SGPP2: variants seen among roughly 807,000 people sequenced by gnomAD.
SGPP2 encodes sphingosine-1-phosphate phosphatase 2.
In SGPP2, 30 loss-of-function variants were observed where a neutral mutation model predicts 33.9. That is an observed-to-expected ratio of 0.89 (90% confidence interval 0.66 to 1.20). The LOEUF (loss-of-function observed/expected upper bound fraction) is 1.20, where lower values mean the gene tolerates loss of function less well. SGPP2 is among the 50% of genes most tolerant of loss of function. The probability of loss-of-function intolerance (pLI) is 0.00; values close to 1 mark genes in which losing one functional copy is unlikely to be tolerated. For missense variants in SGPP2, 458 were observed against 532.1 expected (o/e 0.86, Z 1.37); for synonymous variants, 233 against 225.0 (o/e 1.04, Z -0.32).
intron 1 of SGPP2, among the ~76,000 whole-genome samples, chr2:222,459,142 C>CTTTCTTTCTT (rs1414316448): frequency 9.5e-5 from 9 of 94,462 alleles, no homozygotes; most frequent in Admixed American, 3.7e-4. Context: ...TTCTTTCTTT[C>CTTTCTTTCTT]TTTTTTTTTT....
At chr2:222,448,982 A>C (rs1204896391) in intron 1 of SGPP2, among the ~76,000 whole-genome samples, 1 of 152,210 alleles carries the variant, frequency 6.6e-6, no homozygotes, top group Non-Finnish European at 1.5e-5. Flanking sequence ...TTTAAGCTGC[A>C]TGAAGGATTT....
chr2:222,511,937 C>T (rs1025975571), intron 2 of SGPP2, among the ~76,000 whole-genome samples: 1 of 152,126 alleles, frequency 6.6e-6, no homozygotes, highest in African/African-American at 2.4e-5. Context: ...CTTGGCCTCC[C>T]AAAGTGCTGG....
At chr2:222,540,756 G>A (rs1006265338) in intron 4 of SGPP2, among the ~76,000 whole-genome samples, 1 of 151,566 alleles carries the variant, frequency 6.6e-6, no homozygotes, top group South Asian at 2.1e-4. Flanking sequence ...GGGAGCCCAG[G>A]CCAGATCATA....
chr2:222,428,910 G>C (rs1391214778), intron 1 of SGPP2, among the ~76,000 whole-genome samples: 1 of 145,472 alleles, frequency 6.9e-6, no homozygotes, highest in Non-Finnish European at 1.5e-5. Flanking sequence ...TCCTGCCTCA[G>C]CCTCCCAAGT....
intron 4 of SGPP2, among the ~76,000 whole-genome samples, chr2:222,546,257 T>C (rs1053623593): frequency 6.6e-6 from 1 of 152,220 alleles, no homozygotes; most frequent in Non-Finnish European, 1.5e-5. Context: ...TTCCACACCA[T>C]AATCCTGAGC....
Position 222,424,740 on chromosome 2 carries a change from C to T in SGPP2, c.138C>T (p.Pro46=). The change falls in exon 1 of 5, where the codon CCC becomes CCT. Residue 46 remains proline, a synonymous_variant. Transcript: ENST00000321276. The stretch of plus-strand genomic sequence containing the variant: ...CCACGGAGCGCGCGGCGCGGGTCCC[C>T]GGGGTCGAGCATCTCCCCGCAGCCA... The part of the protein sequence containing the change: ...ADPTERAARV[P]GVEHLPAANG... The T allele has an allele frequency of 7.0e-7, 1 of 1,424,136 alleles. No homozygotes were observed. Among genetic ancestry groups the T allele is most frequent in the Non-Finnish European group, 9.2e-7 (1 of 1,090,462 alleles). 88.2% of individuals were successfully genotyped at this position (1,424,136 alleles called of 1,614,324 possible). A position where few individuals can be genotyped will look rare whatever the true frequency, so the allele number is the denominator to read the frequency against.
chr2:222,514,866 A>G (rs1293299664), intron 2 of SGPP2, among the ~76,000 whole-genome samples: 4 of 152,158 alleles, frequency 2.6e-5, no homozygotes, highest in African/African-American at 9.6e-5. Flanking sequence ...GCTGAGGACC[A>G]GGGGCTGAGC....
chr2:222,480,402 G>A (rs1698011531), intron 2 of SGPP2, among the ~76,000 whole-genome samples: 1 of 152,184 alleles, frequency 6.6e-6, no homozygotes. Context: ...CATTCATAAT[G>A]AGATGTAGAA....
chr2:222,523,135 C>T (rs1698711123), intron 3 of SGPP2, among the ~76,000 whole-genome samples: 1 of 152,222 alleles, frequency 6.6e-6, no homozygotes, highest in Non-Finnish European at 1.5e-5. Context: ...GCTGGAAAGA[C>T]CAGGACTAGT....
At chr2:222,450,859 T>C (rs1697475580) in intron 1 of SGPP2, among the ~76,000 whole-genome samples, 1 of 152,232 alleles carries the variant, frequency 6.6e-6, no homozygotes, top group Non-Finnish European at 1.5e-5. Flanking sequence ...ACTCGAACTC[T>C]GATGAAAGCA....
chr2:222,511,485 G>A (rs116411266), intron 2 of SGPP2, among the ~76,000 whole-genome samples: 350 of 152,186 alleles, frequency 2.3e-3, no homozygotes, highest in African/African-American at 8.1e-3. Flanking sequence ...CCTCCTTATG[G>A]GTTTTTGCTT....
intron 1 of SGPP2, among the ~76,000 whole-genome samples, chr2:222,447,880 C>A (rs1697420914): frequency 6.6e-6 from 1 of 152,076 alleles, no homozygotes; most frequent in East Asian, 1.9e-4. Context: ...ACCAGAGGGG[C>A]ACATAACAAA....
chr2:222,483,937 C>T (rs925308115), intron 2 of SGPP2, among the ~76,000 whole-genome samples: 3 of 152,218 alleles, frequency 2.0e-5, no homozygotes, highest in Non-Finnish European at 2.9e-5. Context: ...CCCTCACTAA[C>T]TTGCATTGAA....
At chr2:222,546,968 G>A (rs1046288136) in intron 4 of SGPP2, among the ~76,000 whole-genome samples, 4 of 151,950 alleles carry the variant, frequency 2.6e-5, no homozygotes, top group South Asian at 2.1e-4. Flanking sequence ...TCAGAAATGC[G>A]GACTCTCAGA....
chr2:222,530,146 A>G (rs1698817336), intron 4 of SGPP2, among the ~76,000 whole-genome samples: 1 of 152,194 alleles, frequency 6.6e-6, no homozygotes, highest in Non-Finnish European at 1.5e-5. Context: ...TGTCACCCAG[A>G]CTTTGTTATT....
At chr2:222,473,278 G>A (rs1697876471) in intron 1 of SGPP2, among the ~76,000 whole-genome samples, 1 of 152,172 alleles carries the variant, frequency 6.6e-6, no homozygotes, top group Admixed American at 6.5e-5. Flanking sequence ...TATTTCTTCT[G>A]GAGGCTGGAG....
At chr2:222,462,906 G>A (rs192259005) in intron 1 of SGPP2, among the ~76,000 whole-genome samples, 351 of 152,244 alleles carry the variant, frequency 2.3e-3, no homozygotes, top group African/African-American at 8.1e-3. Context: ...GGGTGGGAAG[G>A]ACCATTGTTC....
In SGPP2 at chr2:222,424,806, A is replaced by G. The variant is rs1394869945; in HGVS notation, c.204A>G (p.Arg68=). The G allele has an allele frequency of 1.9e-5, 26 of 1,375,668 alleles. No homozygotes were observed. Among genetic ancestry groups the G allele is most frequent in the Non-Finnish European group, 2.3e-5 (25 of 1,067,508 alleles). 85.2% of individuals were successfully genotyped at this position (1,375,668 alleles called of 1,614,324 possible). ...AGGCTCCGGCCAACGGGCTGCGCAG[A>G]GCCGCGGCGCCGGAGGTAACCATGG... ...GGEAPANGLR[R]AAAPEAYVQK... Residue 68 remains arginine (R), a synonymous_variant, in exon 1 of 5, where the codon AGA becomes AGG. Transcript: ENST00000321276.
At chr2:222,541,776 G>T (rs1424460644) in intron 4 of SGPP2, among the ~76,000 whole-genome samples, 1 of 151,848 alleles carries the variant, frequency 6.6e-6, no homozygotes, top group Non-Finnish European at 1.5e-5. Context: ...ACCATGCCCA[G>T]CTAATTTTTG....
Sources: gnomAD v4.1 joint callset for allele counts (sites outside exome capture counted in the v4.1 genomes callset) on GRCh38, gnomAD v4.1.1 for gene constraint, MANE v1.5 for transcripts, NCBI Gene and HGNC (gene_info 2026-07-23, HGNC 2026-07-21) for gene names.